SYNPR: variants seen among roughly 807,000 people sequenced by gnomAD.
The protein encoded by SYNPR is synaptoporin.
SYNPR carries 23 observed loss-of-function variants against 32.9 expected under a neutral mutation model. The ratio of observed to expected loss-of-function variants is 0.70; its 90% CI spans 0.50 to 0.99. SYNPR has a LOEUF of 0.99. Among genes scored for constraint, SYNPR ranks in the 50% least tolerant of loss-of-function variants. The pLI is 0.00. For missense variants in SYNPR, 318 were observed against 349.3 expected (o/e 0.91, Z 0.71); for synonymous variants, 146 against 135.9 (o/e 1.07, Z -0.52).
intron 3 of SYNPR, among the ~76,000 whole-genome samples, chr3:63,489,730 T>A (rs1049119216): frequency 1.3e-5 from 2 of 152,214 alleles, no homozygotes; most frequent in African/African-American, 4.8e-5. Flanking sequence ...TATGCATATA[T>A]GCATGTACAT....
At chr3:63,241,326 C>A (rs938008856) in intron 1 of SYNPR, among the ~76,000 whole-genome samples, 2 of 152,142 alleles carry the variant, frequency 1.3e-5, no homozygotes, top group African/African-American at 4.8e-5. Context: ...CAGCTATTTC[C>A]TCTTTACCAA....
chr3:63,374,768 C>T (rs2107058700), intron 2 of SYNPR, among the ~76,000 whole-genome samples: 1 of 152,296 alleles, frequency 6.6e-6, no homozygotes, highest in African/African-American at 2.4e-5. Flanking sequence ...ACATTCTACT[C>T]TACACAGCCT....
intron 2 of SYNPR, among the ~76,000 whole-genome samples, chr3:63,393,041 T>C (rs920176840): frequency 1.3e-5 from 2 of 152,208 alleles, no homozygotes; most frequent in African/African-American, 2.4e-5. Flanking sequence ...ACACACATGA[T>C]AGCATTCCCT....
chr3:63,476,761 C>T (rs1700935862), intron 2 of SYNPR, among the ~76,000 whole-genome samples: 1 of 152,180 alleles, frequency 6.6e-6, no homozygotes, highest in African/African-American at 2.4e-5. Context: ...CAGGTATAAC[C>T]TCCTGTCCAG....
At chr3:63,586,891 T>G (rs536885563) in intron 4 of SYNPR, among the ~76,000 whole-genome samples, 2 of 152,134 alleles carry the variant, frequency 1.3e-5, no homozygotes, top group East Asian at 3.9e-4. Flanking sequence ...TGGCCCTGCA[T>G]GTCTTTACAC....
At chr3:63,372,546 C>G (rs1429105561) in intron 2 of SYNPR, among the ~76,000 whole-genome samples, 1 of 152,204 alleles carries the variant, frequency 6.6e-6, no homozygotes, top group Non-Finnish European at 1.5e-5. Flanking sequence ...CCCTTTCCCC[C>G]ACAACCCTCA....
chr3:63,260,368 C>T (rs958109634), intron 2 of SYNPR, among the ~76,000 whole-genome samples: 26 of 152,130 alleles, frequency 1.7e-4, no homozygotes, highest in African/African-American at 6.3e-4. Flanking sequence ...GGTACCAAAA[C>T]AGAGATATAG....
intron 2 of SYNPR, among the ~76,000 whole-genome samples, chr3:63,477,027 T>C (rs555272009): frequency 6.6e-6 from 1 of 152,232 alleles, no homozygotes; most frequent in South Asian, 2.1e-4. Context: ...AGAAGTGAAG[T>C]GATTTGCCCG....
intron 2 of SYNPR, among the ~76,000 whole-genome samples, chr3:63,438,583 G>A (rs187439005): frequency 2.0e-5 from 3 of 152,214 alleles, no homozygotes; most frequent in Admixed American, 1.3e-4. Flanking sequence ...GTTAGTATTT[G>A]AAAAAGAATA....
At chr3:63,207,152 T>C in the SYNPR span, among the ~76,000 whole-genome samples, 1 of 152,198 alleles carries the variant, frequency 6.6e-6, no homozygotes, top group African/African-American at 2.4e-5. Context: ...AAGTTATAGC[T>C]AGTAAAAGTG....
chr3:63,247,803 T>A (rs1158066729), intron 1 of SYNPR, among the ~76,000 whole-genome samples: 3 of 151,054 alleles, frequency 2.0e-5, no homozygotes, highest in Admixed American at 2.0e-4. Context: ...AGGTGAAGGG[T>A]CAGAACACTG....
chr3:63,431,889 T>G (rs1559497764), intron 2 of SYNPR, among the ~76,000 whole-genome samples: 2 of 151,386 alleles, frequency 1.3e-5, no homozygotes, highest in African/African-American at 4.8e-5. Context: ...AGCCCCTGTA[T>G]GCATTGCAGC....
chr3:63,372,311 C>T (rs1052214962), intron 2 of SYNPR, among the ~76,000 whole-genome samples: 1 of 152,150 alleles, frequency 6.6e-6, no homozygotes, highest in African/African-American at 2.4e-5. Context: ...GCCAGCAGCA[C>T]AGCCACCCCA....
chr3:63,393,888 C>G (rs2088176961), intron 2 of SYNPR, among the ~76,000 whole-genome samples: 1 of 152,070 alleles, frequency 6.6e-6, no homozygotes, highest in Admixed American at 6.6e-5. Flanking sequence ...TCTCTTGCTG[C>G]CTCGTTGTTG....
intron 2 of SYNPR, among the ~76,000 whole-genome samples, chr3:63,262,394 G>A (rs902909126): frequency 6.6e-6 from 1 of 152,124 alleles, no homozygotes; most frequent in Non-Finnish European, 1.5e-5. Context: ...GCTTGGGAGT[G>A]GTAGGGAGAG....
At chr3:63,552,581 T>C (rs1346232019) in intron 3 of SYNPR, among the ~76,000 whole-genome samples, 1 of 152,212 alleles carries the variant, frequency 6.6e-6, no homozygotes, top group African/African-American at 2.4e-5. Flanking sequence ...TTTCCTGCTT[T>C]AGCTGTGAGC....
upstream of SYNPR, chr3:63,278,207 C>G (rs538620542): frequency 3.1e-4 from 89 of 285,826 alleles, 1 homozygote; most frequent in African/African-American, 1.6e-3. Flanking sequence ...ACCTCCTCGC[C>G]CTCCCCTCTG....
At chr3:63,238,005 G>A (rs1389152151) in intron 1 of SYNPR, among the ~76,000 whole-genome samples, 2 of 152,046 alleles carry the variant, frequency 1.3e-5, no homozygotes, top group African/African-American at 4.8e-5. Flanking sequence ...TGTTGTTGGT[G>A]GGACTCCTTC....
intron 2 of SYNPR, among the ~76,000 whole-genome samples, chr3:63,287,766 A>C (rs953473287): frequency 6.6e-6 from 1 of 152,228 alleles, no homozygotes; most frequent in African/African-American, 2.4e-5. Flanking sequence ...GGAATTGTGA[A>C]GCTTTCCCTG....
Sources: gnomAD v4.1 joint callset for allele counts (sites outside exome capture counted in the v4.1 genomes callset) on GRCh38, gnomAD v4.1.1 for gene constraint, MANE v1.5 for transcripts, NCBI Gene and HGNC (gene_info 2026-07-23, HGNC 2026-07-21) for gene names.